POU6F2: variants seen among roughly 807,000 people sequenced by gnomAD.
The protein encoded by POU6F2 is POU class 6 homeobox 2, also known as POU domain, class 6, transcription factor 2.
Under a neutral mutation model 71.3 loss-of-function variants are expected in POU6F2, and 31 were observed. That is an observed-to-expected ratio of 0.43 (90% CI 0.33 to 0.59). The LOEUF (loss-of-function observed/expected upper bound fraction) is 0.59, where lower values mean the gene tolerates loss of function less well. Among genes scored for constraint, POU6F2 ranks in the 20% least tolerant of loss-of-function variants. POU6F2 has a pLI of 0.04. For synonymous variants in POU6F2, 347 were observed against 355.7 expected, an observed-to-expected ratio of 0.98 and a Z score of 0.27; for missense variants, 783 against 856.8, an observed-to-expected ratio of 0.91 and a Z score of 1.07.
At chr7:38,995,087 C>A (rs577528959) in intron 1 of POU6F2, among the ~76,000 whole-genome samples, 1 of 152,266 alleles carries the variant, frequency 6.6e-6, no homozygotes, top group Admixed American at 6.5e-5. Context: ...ATTTGAAACC[C>A]AATGCTTAAT....
At chr7:39,439,784 C>T (rs921245417) in intron 7 of POU6F2, among the ~76,000 whole-genome samples, 12 of 152,136 alleles carry the variant, frequency 7.9e-5, no homozygotes, top group African/African-American at 2.9e-4. Context: ...CCACCACACC[C>T]AGGCTTTTTG....
intron 5 of POU6F2, among the ~76,000 whole-genome samples, chr7:39,386,127 A>AAC (rs1786937012): frequency 6.6e-6 from 1 of 151,568 alleles, no homozygotes; most frequent in African/African-American, 2.4e-5. Flanking sequence ...CAAAAAAAAA[A>AAC]AAAAAAAAGA....
At chr7:39,455,779 G>T (rs183622782) in intron 8 of POU6F2, among the ~76,000 whole-genome samples, 1 of 152,230 alleles carries the variant, frequency 6.6e-6, no homozygotes, top group African/African-American at 2.4e-5. Flanking sequence ...TGCATCCTGA[G>T]CATTCAATTC....
chr7:39,088,829 T>C (rs1791307795), intron 2 of POU6F2, among the ~76,000 whole-genome samples: 1 of 152,154 alleles, frequency 6.6e-6, no homozygotes, highest in Non-Finnish European at 1.5e-5. Context: ...ACTGTTCAAA[T>C]TAGCAGTCCA....
At chr7:39,228,068 A>G (rs1794505097) in intron 4 of POU6F2, among the ~76,000 whole-genome samples, 1 of 152,196 alleles carries the variant, frequency 6.6e-6, no homozygotes, top group South Asian at 2.1e-4. Context: ...TGCAGCTTTT[A>G]CATTCTAGGA....
chr7:39,174,799 T>C (rs1198625365), intron 2 of POU6F2, among the ~76,000 whole-genome samples: 1 of 152,116 alleles, frequency 6.6e-6, no homozygotes, highest in African/African-American at 2.4e-5. Flanking sequence ...GCCTGATCTC[T>C]CTCTTCTCTG....
intron 2 of POU6F2, among the ~76,000 whole-genome samples, chr7:39,179,533 GCACA>G (rs564316167): frequency 6.6e-5 from 10 of 151,434 alleles, no homozygotes; most frequent in African/African-American, 1.7e-4. Context: ...GCACATGCGC[GCACA>G]CACACACACA....
At chr7:39,063,389 T>G (rs1171147499) in intron 1 of POU6F2, among the ~76,000 whole-genome samples, 1 of 152,114 alleles carries the variant, frequency 6.6e-6, no homozygotes, top group Non-Finnish European at 1.5e-5. Context: ...AAGGAGTTCC[T>G]TGAGGAAAGA....
rs181810517 is a variant in POU6F2, at chr7:39,086,727, A to G, written c.277+696A>G. 4.9e-3 allele frequency among the ~76,000 whole-genome samples: 739 copies of G among 152,284 alleles called. 5 individuals are homozygous for G. The highest frequency in any genetic ancestry group is 0.017 in the African/African-American group (710 of 41,560). Reference sequence around the variant, plus strand: ...TTTCATAAACAAAACAAGAACAAGCAGAGTGCCACTCCAGCAAAGACATCT... The same window carrying G: ...TTTCATAAACAAAACAAGAACAAGCGGAGTGCCACTCCAGCAAAGACATCT... On this transcript the variant is annotated intron_variant, in intron 2 of 9. Transcript: ENST00000518318.
intron 4 of POU6F2, among the ~76,000 whole-genome samples, chr7:39,267,739 G>A (rs1324212796): frequency 6.6e-6 from 1 of 151,954 alleles, no homozygotes; most frequent in Non-Finnish European, 1.5e-5. Flanking sequence ...TGAATAGCTG[G>A]GAGTTCAGGT....
chr7:39,126,743 C>T (rs1053463882), intron 2 of POU6F2, among the ~76,000 whole-genome samples: 1 of 151,986 alleles, frequency 6.6e-6, no homozygotes, highest in Middle Eastern at 3.2e-3. Flanking sequence ...AAACCAATAG[C>T]GTATGTAATT....
At chr7:39,318,482 G>A (rs1227459456) in intron 4 of POU6F2, among the ~76,000 whole-genome samples, 2 of 152,138 alleles carry the variant, frequency 1.3e-5, no homozygotes, top group African/African-American at 2.4e-5. Context: ...CAAAGAAAGA[G>A]AAACTTACCC....
chr7:39,354,040 C>T (rs933887416), intron 5 of POU6F2, among the ~76,000 whole-genome samples: 4 of 152,202 alleles, frequency 2.6e-5, no homozygotes, highest in African/African-American at 7.2e-5. Flanking sequence ...CCAGGCGGCC[C>T]GGCAGGAGGC....
chr7:39,147,355 T>C lies in POU6F2; in HGVS notation c.278-56880T>C, dbSNP rs150847426. Among the ~76,000 whole-genome samples the C allele has an allele frequency of 4.6e-5, 7 of 152,288 alleles. No individual in the cohort carries two copies. The East Asian group carries it at 1.4e-3, about 29-fold the overall frequency. On this transcript the variant is annotated intron_variant, in intron 2 of 9. Transcript: ENST00000518318. ...AATCAAGTGAATCCTACTGCAAGTA[T>C]AGGGCATATTTATGTGTATTTACTT...
rs1273205765 is a variant in POU6F2, at chr7:39,015,958, G to A, written c.105+37900G>A. Among the ~76,000 whole-genome samples the A allele has an allele frequency of 1.9e-3, 113 of 58,088 alleles. 1 individual carries two copies. The highest frequency in any genetic ancestry group is 5.2e-3 in the African/African-American group (74 of 14,236). The allele number at this position is 58,088 out of a possible 152,430, so 38.1% of individuals were successfully genotyped here. A position where few individuals can be genotyped will look rare whatever the true frequency, so the allele number is the denominator to read the frequency against. On this transcript the variant is annotated intron_variant, in intron 1 of 9. Coordinates refer to ENST00000518318, the MANE Select transcript of POU6F2 (RefSeq NM_001370959.1). ...AATATATAGATATATATTATATATTGTATATTGATATATATTATATATAGA... is the reference window on the plus strand; with the variant it reads ...AATATATAGATATATATTATATATTATATATTGATATATATTATATATAGA...
intron 5 of POU6F2, among the ~76,000 whole-genome samples, chr7:39,376,711 A>G (rs1027818892): frequency 6.6e-6 from 1 of 152,224 alleles, no homozygotes; most frequent in African/African-American, 2.4e-5. Context: ...TGCTATTAAA[A>G]TAGTGGCAAT....
chr7:39,044,974 C>A (rs1332898213), intron 1 of POU6F2, among the ~76,000 whole-genome samples: 2 of 151,824 alleles, frequency 1.3e-5, no homozygotes, highest in Non-Finnish European at 2.9e-5. Flanking sequence ...GAACCCTCAC[C>A]AGATGCAAAT....
chr7:39,343,207 A>C (rs1022166784), intron 5 of POU6F2, among the ~76,000 whole-genome samples: 6 of 152,320 alleles, frequency 3.9e-5, no homozygotes, highest in African/African-American at 1.4e-4. Flanking sequence ...TTATAAAAAC[A>C]GTGTGTGGGA....
chr7:38,987,636 C>G (rs1373452760), intron 1 of POU6F2, among the ~76,000 whole-genome samples: 1 of 152,034 alleles, frequency 6.6e-6, no homozygotes, highest in African/African-American at 2.4e-5. Context: ...AGACTTAGCT[C>G]TTGAATTCTA....
Sources: gnomAD v4.1 joint callset for allele counts (sites outside exome capture counted in the v4.1 genomes callset) on GRCh38, gnomAD v4.1.1 for gene constraint, MANE v1.5 for transcripts, NCBI Gene and HGNC (gene_info 2026-07-23, HGNC 2026-07-21) for gene names.